Variants in DPP6 observed in about 807,000 individuals in gnomAD.
The protein encoded by DPP6 is A-type potassium channel modulatory protein DPP6.
In DPP6, 69 loss-of-function variants were observed where a neutral mutation model predicts 122.6. The ratio of observed to expected loss-of-function variants is 0.56; its 90% CI spans 0.46 to 0.69. The LOEUF is 0.69. Among genes scored for constraint, DPP6 ranks in the 30% least tolerant of loss-of-function variants. The probability of loss-of-function intolerance (pLI) is 0.00; values close to 1 mark genes in which losing one functional copy is unlikely to be tolerated. For synonymous variants in DPP6, 418 were observed against 433.1 expected, an observed-to-expected ratio of 0.97 and a Z score of 0.43; for missense variants, 928 against 1,116.9, an observed-to-expected ratio of 0.83 and a Z score of 2.41.
At chr7:154,852,381 G>C (rs1467831229) in intron 16 of DPP6, among the ~76,000 whole-genome samples, 2 of 152,090 alleles carry the variant, frequency 1.3e-5, no homozygotes, top group African/African-American at 4.8e-5. Flanking sequence ...TTCCCACAGT[G>C]CATCTGTCTC....
At chr7:154,259,282 A>G (rs1234789474) in intron 1 of DPP6, among the ~76,000 whole-genome samples, 2 of 152,164 alleles carry the variant, frequency 1.3e-5, no homozygotes, top group Admixed American at 1.3e-4. Flanking sequence ...ACAAAGTCAC[A>G]TTTTCAAAGC....
At chr7:154,470,632 A>C (rs577251223) in intron 2 of DPP6, among the ~76,000 whole-genome samples, 1 of 152,330 alleles carries the variant, frequency 6.6e-6, no homozygotes, top group South Asian at 2.1e-4. Context: ...AGAAATTTGC[A>C]TTACACATTG....
chr7:153,846,918 C>A, the DPP6 span, among the ~76,000 whole-genome samples: 17 of 152,008 alleles, frequency 1.1e-4, 1 homozygote, highest in Admixed American at 9.8e-4. Flanking sequence ...AGGATGGCTA[C>A]CCTCGTGATC....
the DPP6 span, among the ~76,000 whole-genome samples, chr7:153,803,141 T>C: frequency 6.6e-6 from 1 of 151,620 alleles, no homozygotes; most frequent in Non-Finnish European, 1.5e-5. Flanking sequence ...ACTGGCTTGG[T>C]CCAGACACGT....
At chr7:153,773,432 G>A in the DPP6 span, among the ~76,000 whole-genome samples, 2 of 150,756 alleles carry the variant, frequency 1.3e-5, no homozygotes, top group African/African-American at 4.9e-5. Flanking sequence ...AGAACATCTG[G>A]ATTATTCACC....
At chr7:154,651,455 T>C (rs767584818) in intron 6 of DPP6, among the ~76,000 whole-genome samples, 5 of 152,140 alleles carry the variant, frequency 3.3e-5, no homozygotes, top group Admixed American at 6.5e-5. Context: ...GTCTGCACCC[T>C]ACCTCGATGA....
the DPP6 span, among the ~76,000 whole-genome samples, chr7:153,806,115 T>C: frequency 3.8e-4 from 57 of 151,990 alleles, 1 homozygote; most frequent in African/African-American, 1.4e-3. Context: ...AGGACCATTT[T>C]TCATGATCAG....
intron 1 of DPP6, among the ~76,000 whole-genome samples, chr7:154,127,634 G>GACACACACACACAGACACACACAC (rs1563225782): frequency 1.7e-5 from 1 of 59,722 alleles, no homozygotes; most frequent in African/African-American, 4.3e-5. Context: ...CACACACACA[G>GACACACACACACAGACACACACAC]ACACACACAC....
At chr7:154,544,812 C>A (rs1283566589) in intron 4 of DPP6, among the ~76,000 whole-genome samples, 1 of 152,168 alleles carries the variant, frequency 6.6e-6, no homozygotes, top group Non-Finnish European at 1.5e-5. Context: ...GACCAAAGAG[C>A]CTGGGCCAGG....
At chr7:153,767,062 T>C in the DPP6 span, among the ~76,000 whole-genome samples, 14 of 152,106 alleles carry the variant, frequency 9.2e-5, no homozygotes, top group Non-Finnish European at 1.6e-4. Flanking sequence ...TGATGTGTTA[T>C]TACAAACAAG....
intron 7 of DPP6, among the ~76,000 whole-genome samples, chr7:154,696,801 G>A (rs1228111401): frequency 1.3e-5 from 2 of 152,218 alleles, no homozygotes; most frequent in African/African-American, 4.8e-5. Flanking sequence ...TCAGAGCTGT[G>A]CTGTGGGCAG....
At chr7:154,574,007 T>C (rs1209796461) in intron 5 of DPP6, among the ~76,000 whole-genome samples, 2 of 152,252 alleles carry the variant, frequency 1.3e-5, no homozygotes, top group Non-Finnish European at 2.9e-5. Context: ...TTTGTTGTAT[T>C]GTTTTGACAC....
chr7:153,936,304 C>T (rs1424968518), intron 1 of DPP6, among the ~76,000 whole-genome samples: 2 of 152,044 alleles, frequency 1.3e-5, no homozygotes, highest in African/African-American at 4.8e-5. Context: ...TCAGATGATC[C>T]CTGTCAGGAG....
the DPP6 span, among the ~76,000 whole-genome samples, chr7:153,868,989 T>C: frequency 0.18 from 27,862 of 151,500 alleles, 2,356 homozygotes; most frequent in Middle Eastern, 0.29. Context: ...TCCTGAGTTC[T>C]AGTTTGATTG....
chr7:153,881,068 A>C, the DPP6 span, among the ~76,000 whole-genome samples: 1 of 152,210 alleles, frequency 6.6e-6, no homozygotes, highest in Non-Finnish European at 1.5e-5. Flanking sequence ...GTCGATTCTT[A>C]GTTGAAAGTA....
At chr7:154,388,203 C>T (rs1285005859) in intron 1 of DPP6, among the ~76,000 whole-genome samples, 2 of 151,946 alleles carry the variant, frequency 1.3e-5, no homozygotes, top group East Asian at 1.9e-4. Flanking sequence ...CTTGGGAGCT[C>T]GAAGTAGGAG....
chr7:154,202,489 A>G (rs1799225105), intron 1 of DPP6, among the ~76,000 whole-genome samples: 1 of 151,982 alleles, frequency 6.6e-6, no homozygotes, highest in African/African-American at 2.4e-5. Flanking sequence ...CCCTCCCCCA[A>G]TTTCCTACGG....
At chr7:154,379,811 T>C (rs1329310292) in intron 1 of DPP6, among the ~76,000 whole-genome samples, 1 of 152,178 alleles carries the variant, frequency 6.6e-6, no homozygotes, top group Non-Finnish European at 1.5e-5. Context: ...TGGACACAAC[T>C]TAAGCCAATA....
chr7:154,598,514 T>A (rs1404057670), intron 5 of DPP6, among the ~76,000 whole-genome samples: 1 of 152,176 alleles, frequency 6.6e-6, no homozygotes, highest in African/African-American at 2.4e-5. Flanking sequence ...TGTCACTGAT[T>A]CCAAGAACAA....
Sources: allele counts gnomAD v4.1 joint callset (sites outside exome capture counted in the v4.1 genomes callset), GRCh38; gene constraint gnomAD v4.1.1; transcripts MANE v1.5; gene names NCBI Gene and HGNC (gene_info 2026-07-23, HGNC 2026-07-21).